PPM1H: variants seen among roughly 807,000 people sequenced by gnomAD.
The protein encoded by PPM1H is protein phosphatase, Mg2+/Mn2+ dependent 1H.
A neutral mutation model predicts 54.9 loss-of-function variants in PPM1H; 27 were observed. The observed-to-expected ratio is 0.49, with a 90% CI of 0.36 to 0.68. The LOEUF is 0.68. Ranked by LOEUF, PPM1H falls within the 30% of genes least tolerant of loss-of-function variation. The pLI is 0.00. For synonymous variants in PPM1H, 305 were observed against 270.8 expected, an observed-to-expected ratio of 1.13 and a Z score of -1.24; for missense variants, 596 against 667.8, an observed-to-expected ratio of 0.89 and a Z score of 1.19.
chr12:62,867,612 C>G lies in PPM1H; in HGVS notation c.246-35333G>C, dbSNP rs535460845. 9.2e-4 allele frequency among the ~76,000 whole-genome samples: 91 copies of G among 99,148 alleles called. 1 individual carries two copies. Among genetic ancestry groups the G allele is most frequent in the Non-Finnish European group, 1.3e-3 (69 of 55,132 alleles). 65.0% of individuals were successfully genotyped at this position (99,148 alleles called of 152,430 possible). A position where few individuals can be genotyped will look rare whatever the true frequency, so the allele number is the denominator to read the frequency against. ...TTTTTTTTTGAGACAGAGTCTCACT[C>G]TGTCACCCAGGCTGGAGTGCAGTGG... On this transcript the variant is annotated intron_variant, in intron 1 of 9. Transcript: ENST00000228705.
intron 5 of PPM1H, among the ~76,000 whole-genome samples, chr12:62,731,663 C>T (rs537282402): frequency 6.6e-6 from 1 of 152,178 alleles, no homozygotes; most frequent in Non-Finnish European, 1.5e-5. Context: ...TTGAAACCCA[C>T]GTTCATCTCT....
At chr12:62,655,544 G>A (rs1254272506) in intron 9 of PPM1H, among the ~76,000 whole-genome samples, 1 of 152,208 alleles carries the variant, frequency 6.6e-6, no homozygotes, top group African/African-American at 2.4e-5. Flanking sequence ...GCATTTAGGT[G>A]CCATCAAAGG....
chr12:62,769,896 G>A (rs12814781), intron 4 of PPM1H, among the ~76,000 whole-genome samples: 14,031 of 152,220 alleles, frequency 0.092, 731 homozygotes, highest in South Asian at 0.15. Context: ...CATGTTGCAA[G>A]AGAAAAGCAA....
intron 4 of PPM1H, among the ~76,000 whole-genome samples, chr12:62,753,275 TACA>T (rs2076452069): frequency 6.6e-6 from 1 of 152,208 alleles, no homozygotes; most frequent in Non-Finnish European, 1.5e-5. Flanking sequence ...GGTTGGCCTC[TACA>T]ACATTTCCTA....
In PPM1H at chr12:62,769,080, G is replaced by C. The variant is rs544438016; in HGVS notation, c.869+19146C>G. On this transcript the variant is annotated intron_variant, in intron 4 of 9. Coordinates refer to ENST00000228705, the MANE Select transcript of PPM1H (RefSeq NM_020700.2). ...AGTACATTCCCAATGTGCTAATCCTGAGAGTTCTTGCAGAAATGTTGGGTC... is the reference window on the plus strand; with the variant it reads ...AGTACATTCCCAATGTGCTAATCCTCAGAGTTCTTGCAGAAATGTTGGGTC... Among the ~76,000 whole-genome samples the C allele has an allele frequency of 2.0e-5, 3 of 152,294 alleles. No individual in the cohort carries two copies. In the South Asian group the frequency reaches 6.2e-4, roughly 32 times the overall value.
At chr12:62,716,874 T>C (rs767905236) in intron 6 of PPM1H, among the ~76,000 whole-genome samples, 3 of 152,170 alleles carry the variant, frequency 2.0e-5, no homozygotes, top group Non-Finnish European at 4.4e-5. Context: ...TCTAAGGCTT[T>C]CTGCTAGAGG....
intron 2 of PPM1H, among the ~76,000 whole-genome samples, chr12:62,831,189 C>A (rs1353749005): frequency 2.0e-5 from 3 of 152,132 alleles, no homozygotes; most frequent in African/African-American, 2.4e-5. Flanking sequence ...AGAAAAGATT[C>A]CTAGATCTTT....
intron 1 of PPM1H, among the ~76,000 whole-genome samples, chr12:62,916,475 T>C (rs186841618): frequency 8.3e-4 from 127 of 152,294 alleles, no homozygotes; most frequent in African/African-American, 2.8e-3. Flanking sequence ...ACCTAACCAA[T>C]GATATTTACT....
intron 4 of PPM1H, among the ~76,000 whole-genome samples, chr12:62,751,259 C>A (rs1289796010): frequency 6.6e-6 from 1 of 152,126 alleles, no homozygotes; most frequent in East Asian, 1.9e-4. Flanking sequence ...CTGATTCGGA[C>A]CTCTTTACTT....
chr12:62,849,443 G>A (rs1477103602), intron 1 of PPM1H, among the ~76,000 whole-genome samples: 2 of 152,184 alleles, frequency 1.3e-5, no homozygotes, highest in South Asian at 2.1e-4. Flanking sequence ...TAGCCATTGG[G>A]TGGTAATATC....
chr12:62,854,151 G>A (rs2120945310), intron 1 of PPM1H, among the ~76,000 whole-genome samples: 1 of 152,278 alleles, frequency 6.6e-6, no homozygotes, highest in East Asian at 1.9e-4. Flanking sequence ...TTGTTGAAAA[G>A]AGATCAGCTT....
chr12:62,850,046 T>G (rs1869121659), intron 1 of PPM1H, among the ~76,000 whole-genome samples: 2 of 152,084 alleles, frequency 1.3e-5, no homozygotes, highest in African/African-American at 4.8e-5. Context: ...CACTGCAGCC[T>G]AAACCTCCCA....
intron 5 of PPM1H, among the ~76,000 whole-genome samples, chr12:62,735,765 A>G (rs996137935): frequency 6.6e-6 from 1 of 152,196 alleles, no homozygotes; most frequent in African/African-American, 2.4e-5. Flanking sequence ...CACTTTGCAG[A>G]AGAAGTGATA....
At chr12:62,682,986 T>A (rs1384040802) in intron 8 of PPM1H, among the ~76,000 whole-genome samples, 5 of 149,700 alleles carry the variant, frequency 3.3e-5, no homozygotes, top group African/African-American at 4.9e-5. Flanking sequence ...TAATTTATTA[T>A]TTATAAATTT....
intron 5 of PPM1H, among the ~76,000 whole-genome samples, chr12:62,735,066 C>T (rs986169377): frequency 6.6e-6 from 1 of 151,842 alleles, no homozygotes; most frequent in African/African-American, 2.4e-5. Flanking sequence ...AAAAAAACAA[C>T]GGAAGGTGAG....
intron 1 of PPM1H, among the ~76,000 whole-genome samples, chr12:62,882,689 C>T (rs764490979): frequency 1.8e-4 from 28 of 152,178 alleles, no homozygotes; most frequent in Admixed American, 7.9e-4. Context: ...AACCCAAACC[C>T]GGGTCAAGTA....
In PPM1H at chr12:62,804,330, G is replaced by C. The variant is rs1388195718; in HGVS notation, c.412-2170C>G. On this transcript the variant is annotated intron_variant, in intron 2 of 9. Coordinates refer to ENST00000228705, the MANE Select transcript of PPM1H (RefSeq NM_020700.2). The stretch of plus-strand genomic sequence containing the variant: ...GATCTTGCCACTGTATTCCAGCTGG[G>C]GTGACAGAGTGACCCTGTCTCAAAA... Among the ~76,000 whole-genome samples, 76 of 145,984 alleles carry C rather than the reference G, an allele frequency of 5.2e-4. 2 individuals carry two copies. Among genetic ancestry groups the C allele is most frequent in the Admixed American group, 5.1e-3 (76 of 14,894 alleles).
intron 1 of PPM1H, among the ~76,000 whole-genome samples, chr12:62,885,509 T>G (rs1870557129): frequency 6.6e-6 from 1 of 152,142 alleles, no homozygotes. Flanking sequence ...GCAAAATCCC[T>G]TCTACCATAT....
rs533889782 is a variant in PPM1H, at chr12:62,823,332, C to A, written c.411+8782G>T. ...CCAGAGGTACAAAGAGGAGCTGGTA[C>A]CATTCCTTCTGAAACTATTCCAATC... is the stretch of plus-strand genomic sequence containing the variant. On this transcript the variant is annotated intron_variant, in intron 2 of 9. Coordinates refer to ENST00000228705, the MANE Select transcript of PPM1H (RefSeq NM_020700.2). Among the ~76,000 whole-genome samples the A allele has an allele frequency of 1.3e-4, 20 of 152,270 alleles. 1 individual carries two copies. In the East Asian group the frequency reaches 3.7e-3, roughly 28 times the overall value.
Sources: allele counts gnomAD v4.1 joint callset (sites outside exome capture counted in the v4.1 genomes callset), GRCh38; gene constraint gnomAD v4.1.1; transcripts MANE v1.5; gene names NCBI Gene and HGNC (gene_info 2026-07-23, HGNC 2026-07-21).